Variants in SUPT3H observed in about 807,000 individuals in gnomAD.
The protein encoded by SUPT3H is SPT3 homolog, SAGA and STAGA complex component.
In SUPT3H, 44 loss-of-function variants were observed where a neutral mutation model predicts 44.3. That is an observed-to-expected ratio of 0.99 (90% confidence interval 0.78 to 1.28). SUPT3H has a LOEUF of 1.28. SUPT3H is among the 50% of genes most tolerant of loss of function. The probability of loss-of-function intolerance (pLI) is 0.00; values close to 1 mark genes in which losing one functional copy is unlikely to be tolerated. For missense variants in SUPT3H, 380 were observed against 387.1 expected (o/e 0.98, Z 0.15); for synonymous variants, 124 against 125.6 (o/e 0.99, Z 0.09).
intron 3 of SUPT3H, among the ~76,000 whole-genome samples, chr6:45,104,540 T>C (rs1289241847): frequency 1.3e-5 from 2 of 152,108 alleles, no homozygotes; most frequent in African/African-American, 4.8e-5. Context: ...TATGTTATTA[T>C]TGTTCAGCAG....
At chr6:44,952,924 C>G (rs535349448) in intron 9 of SUPT3H, among the ~76,000 whole-genome samples, 1 of 152,026 alleles carries the variant, frequency 6.6e-6, no homozygotes, top group Non-Finnish European at 1.5e-5. Flanking sequence ...TCAATAAATG[C>G]CAGGGATTAT....
chr6:44,978,101 C>A (rs1450026511), intron 6 of SUPT3H, among the ~76,000 whole-genome samples: 1 of 152,108 alleles, frequency 6.6e-6, no homozygotes, highest in East Asian at 1.9e-4. Flanking sequence ...TGATGTTATG[C>A]ATGCTGCAAA....
At chr6:44,945,020 C>T (rs1562103047) in intron 9 of SUPT3H, among the ~76,000 whole-genome samples, 2 of 151,926 alleles carry the variant, frequency 1.3e-5, no homozygotes, top group Non-Finnish European at 2.9e-5. Context: ...TTTCCAAAAG[C>T]ATATACGTGT....
chr6:45,168,446 T>C (rs1358956956), intron 2 of SUPT3H, among the ~76,000 whole-genome samples: 1 of 152,034 alleles, frequency 6.6e-6, no homozygotes, highest in African/African-American at 2.4e-5. Flanking sequence ...CTCCCCAAAA[T>C]GTATAAAAGT....
In SUPT3H at chr6:44,927,471, T is replaced by C. The variant is rs377071226; in HGVS notation, c.912+5182A>G. 1.2e-4 allele frequency among the ~76,000 whole-genome samples: 18 copies of C among 152,320 alleles called. No homozygotes were observed. The East Asian group carries it at 1.9e-3, about 16-fold the overall frequency. On this transcript the variant is annotated intron_variant, in intron 10 of 10. Coordinates refer to ENST00000371459, the MANE Select transcript of SUPT3H (RefSeq NM_003599.4). Reference sequence around the variant, plus strand: ...ATCAACTTTGATATATTCATCAATTTCTGAAAACCTTTTCAATAACTTATG... The same window carrying C: ...ATCAACTTTGATATATTCATCAATTCCTGAAAACCTTTTCAATAACTTATG...
chr6:45,075,619 G>T (rs1794913331), intron 3 of SUPT3H, among the ~76,000 whole-genome samples: 1 of 152,060 alleles, frequency 6.6e-6, no homozygotes, highest in South Asian at 2.1e-4. Context: ...TCTTTCACAA[G>T]TATGTGTTGT....
At chr6:44,901,379 C>G (rs899711895) in intron 10 of SUPT3H, among the ~76,000 whole-genome samples, 1 of 152,088 alleles carries the variant, frequency 6.6e-6, no homozygotes, top group Non-Finnish European at 1.5e-5. Flanking sequence ...GACGAATGCA[C>G]AAGCCTCAGT....
At chr6:45,182,228 T>C (rs905611521) in intron 2 of SUPT3H, among the ~76,000 whole-genome samples, 8 of 152,184 alleles carry the variant, frequency 5.3e-5, no homozygotes, top group African/African-American at 1.9e-4. Context: ...TATAGAGAAA[T>C]AGCTCATTTG....
At chr6:44,963,258 G>T (rs1437440340) in intron 6 of SUPT3H, among the ~76,000 whole-genome samples, 1 of 152,178 alleles carries the variant, frequency 6.6e-6, no homozygotes, top group African/African-American at 2.4e-5. Flanking sequence ...CAGCACTTGG[G>T]AGGTCCAGGC....
At chr6:45,245,530 G>A (rs1050184102) in intron 2 of SUPT3H, among the ~76,000 whole-genome samples, 1 of 152,038 alleles carries the variant, frequency 6.6e-6, no homozygotes, top group Non-Finnish European at 1.5e-5. Context: ...AAGTGGAATC[G>A]CATAACATTT....
chr6:45,281,809 C>T (rs1778138634), intron 2 of SUPT3H, among the ~76,000 whole-genome samples: 1 of 152,166 alleles, frequency 6.6e-6, no homozygotes, highest in African/African-American at 2.4e-5. Flanking sequence ...GTCCCTGATA[C>T]CCGAATAGCC....
At chr6:45,006,463 G>A (rs1782728744) in intron 5 of SUPT3H, among the ~76,000 whole-genome samples, 1 of 151,310 alleles carries the variant, frequency 6.6e-6, no homozygotes, top group Non-Finnish European at 1.5e-5. Flanking sequence ...TTTCTATTCT[G>A]TTAACGTTTA....
At chr6:44,839,824 C>A (rs1333018204) in intron 10 of SUPT3H, among the ~76,000 whole-genome samples, 1 of 152,106 alleles carries the variant, frequency 6.6e-6, no homozygotes. Context: ...GCCTCAGCCT[C>A]CCGAGTAGCT....
intron 2 of SUPT3H, among the ~76,000 whole-genome samples, chr6:45,245,971 G>A (rs1360368424): frequency 6.6e-6 from 1 of 151,924 alleles, no homozygotes; most frequent in Non-Finnish European, 1.5e-5. Flanking sequence ...CTTTCTAATG[G>A]GTATGAAATG....
intron 2 of SUPT3H, among the ~76,000 whole-genome samples, chr6:45,207,710 C>T (rs961040225): frequency 5.3e-5 from 8 of 152,106 alleles, no homozygotes; most frequent in Admixed American, 1.3e-4. Flanking sequence ...ATTTTTGATG[C>T]TACCACTGTA....
At chr6:45,042,361 C>G (rs1159630281) in intron 3 of SUPT3H, among the ~76,000 whole-genome samples, 1 of 152,014 alleles carries the variant, frequency 6.6e-6, no homozygotes, top group Non-Finnish European at 1.5e-5. Flanking sequence ...AGGCAGAGGT[C>G]GCAGTGAGCC....
intron 6 of SUPT3H, among the ~76,000 whole-genome samples, chr6:44,983,278 C>CA (rs1423133923): frequency 1.3e-5 from 2 of 152,030 alleles, no homozygotes. Context: ...TAAAAGTGGA[C>CA]ATTCTAGATT....
At chr6:45,280,859 G>T (rs548616504) in intron 2 of SUPT3H, among the ~76,000 whole-genome samples, 1 of 152,118 alleles carries the variant, frequency 6.6e-6, no homozygotes, top group African/African-American at 2.4e-5. Context: ...CAACAGAGTG[G>T]TTAAACATTC....
rs576517231 is a variant in SUPT3H, at chr6:45,200,903, T to C, written c.102-94897A>G. On this transcript the variant is annotated intron_variant, in intron 2 of 10. Transcript: ENST00000371459. ...ATAAATGTACCTTATTTGTAATCATTTTCATTCAAAGTAACAAAATCAAAG... is the reference window on the plus strand; with the variant it reads ...ATAAATGTACCTTATTTGTAATCATCTTCATTCAAAGTAACAAAATCAAAG... 5.9e-5 allele frequency among the ~76,000 whole-genome samples: 9 copies of C among 151,698 alleles called. No homozygotes were observed. In the East Asian group the frequency reaches 1.7e-3, roughly 29 times the overall value.
Sources: allele counts gnomAD v4.1 joint callset (sites outside exome capture counted in the v4.1 genomes callset), GRCh38; gene constraint gnomAD v4.1.1; transcripts MANE v1.5; gene names NCBI Gene and HGNC (gene_info 2026-07-23, HGNC 2026-07-21).